Variants in SLC44A5 observed in about 807,000 individuals in gnomAD.
The protein encoded by SLC44A5 is choline transporter-like protein 5.
SLC44A5 carries 57 observed loss-of-function variants against 101.8 expected under a neutral mutation model. The ratio of observed to expected loss-of-function variants is 0.56; its 90% CI spans 0.45 to 0.70. The LOEUF (loss-of-function observed/expected upper bound fraction) is 0.70, where lower values mean the gene tolerates loss of function less well. Ranked by LOEUF, SLC44A5 falls within the 30% of genes least tolerant of loss-of-function variation. The pLI, the probability that SLC44A5 is intolerant of heterozygous loss-of-function variation, is 0.00. For missense variants in SLC44A5, 737 were observed against 853.1 expected (o/e 0.86, Z 1.70); for synonymous variants, 281 against 290.9 (o/e 0.97, Z 0.35).
chr1:75,563,153 G>C (rs1672614501), intron 1 of SLC44A5, among the ~76,000 whole-genome samples: 1 of 152,020 alleles, frequency 6.6e-6, no homozygotes, highest in Non-Finnish European at 1.5e-5. Flanking sequence ...CCCTCCTTTG[G>C]TAGGAAAATA....
chr1:75,358,113 G>A lies in SLC44A5; in HGVS notation c.53-18483C>T, dbSNP rs916852426. On this transcript the variant is annotated intron_variant, in intron 3 of 23. Coordinates refer to ENST00000370859, the MANE Select transcript of SLC44A5 (RefSeq NM_001130058.2). ...GCTACTTTATTTCCTGCCAGAAACC[G>A]TATCTGATTCATTGTTTAAGTACTA... Among the ~76,000 whole-genome samples the A allele has an allele frequency of 6.6e-5, 10 of 151,964 alleles. No homozygotes were observed. The East Asian group carries it at 7.7e-4, about 12-fold the overall frequency.
At chr1:75,598,215 C>T (rs1570709756) in intron 1 of SLC44A5, among the ~76,000 whole-genome samples, 1 of 151,826 alleles carries the variant, frequency 6.6e-6, no homozygotes, top group Non-Finnish European at 1.5e-5. Context: ...TAGAGAAATG[C>T]AAATAAAAAC....
chr1:75,414,784 T>C (rs772973950), intron 2 of SLC44A5, among the ~76,000 whole-genome samples: 1 of 152,104 alleles, frequency 6.6e-6, no homozygotes, highest in Non-Finnish European at 1.5e-5. Context: ...TTAAAGGATC[T>C]AATAAAAGTC....
Position 75,320,228 on chromosome 1 carries a change from T to C in SLC44A5, c.101+19354A>G, listed in dbSNP as rs1227118513. 2.0e-5 allele frequency among the ~76,000 whole-genome samples: 3 copies of C among 151,504 alleles called. No individual in the cohort carries two copies. The East Asian group carries it at 5.8e-4, about 29-fold the overall frequency. On this transcript the variant is annotated intron_variant, in intron 4 of 23. Coordinates refer to ENST00000370859, the MANE Select transcript of SLC44A5 (RefSeq NM_001130058.2). ...AAAGAAAACCAGATCTTTGAAAAAA[T>C]AATAGAGAATGGTATCAAACTATAT...
chr1:75,576,691 T>C (rs1673388936), intron 1 of SLC44A5, among the ~76,000 whole-genome samples: 1 of 152,186 alleles, frequency 6.6e-6, no homozygotes, highest in Non-Finnish European at 1.5e-5. Context: ...TGGTAGAGTT[T>C]TCCATATTAT....
the SLC44A5 span, among the ~76,000 whole-genome samples, chr1:75,648,493 T>C: frequency 1.3e-5 from 2 of 152,222 alleles, no homozygotes; most frequent in East Asian, 3.9e-4. Flanking sequence ...AGTGTTTCTG[T>C]ATAATGTTCC....
chr1:75,499,075 T>C (rs998728993), intron 2 of SLC44A5, among the ~76,000 whole-genome samples: 4 of 152,152 alleles, frequency 2.6e-5, no homozygotes, highest in Admixed American at 2.0e-4. Context: ...TAGCATGCTG[T>C]GTAGGTTGGT....
intron 3 of SLC44A5, among the ~76,000 whole-genome samples, chr1:75,341,253 C>G (rs549492988): frequency 6.6e-6 from 1 of 152,258 alleles, no homozygotes; most frequent in Admixed American, 6.5e-5. Flanking sequence ...ATAATCCTAG[C>G]ACTTTGAAAA....
chr1:75,563,133 A>G (rs1452212884), intron 1 of SLC44A5, among the ~76,000 whole-genome samples: 1 of 152,178 alleles, frequency 6.6e-6, no homozygotes, highest in Non-Finnish European at 1.5e-5. Flanking sequence ...AAGTATGGAT[A>G]TAAAAGAATC....
rs1477851409 is a variant in SLC44A5 at position 75,409,314 on chromosome 1, C to T, written c.14-12693G>A. 2.0e-5 allele frequency among the ~76,000 whole-genome samples: 3 copies of T among 152,110 alleles called. No homozygotes were observed. The East Asian group carries it at 5.8e-4, about 29-fold the overall frequency. On this transcript the variant is annotated intron_variant, in intron 2 of 23. Transcript: ENST00000370859. ...TGGGTATGTGTTTTCTGGGTGAGTACACCTACAGAATGTATTGGGTAATGA... is the reference window on the plus strand; with the variant it reads ...TGGGTATGTGTTTTCTGGGTGAGTATACCTACAGAATGTATTGGGTAATGA...
intron 12 of SLC44A5, among the ~76,000 whole-genome samples, chr1:75,229,579 CA>C: frequency 6.6e-6 from 1 of 152,170 alleles, no homozygotes; most frequent in Admixed American, 6.5e-5. Context: ...ATATTTTCCC[CA>C]AAAGAGCCCT....
At chr1:75,631,830 C>T in the SLC44A5 span, among the ~76,000 whole-genome samples, 10,311 of 152,004 alleles carry the variant, frequency 0.068, 1,162 homozygotes, top group African/African-American at 0.24. Flanking sequence ...AGCCACTGCG[C>T]CCAGCCAATT....
chr1:75,259,141 C>T (rs1270534763), intron 6 of SLC44A5, among the ~76,000 whole-genome samples: 1 of 152,104 alleles, frequency 6.6e-6, no homozygotes, highest in African/African-American at 2.4e-5. Flanking sequence ...ATCACAACTC[C>T]TCGCCAGCAA....
At chr1:75,278,852 T>C (rs1652149275) in intron 5 of SLC44A5, among the ~76,000 whole-genome samples, 1 of 152,162 alleles carries the variant, frequency 6.6e-6, no homozygotes, top group African/African-American at 2.4e-5. Flanking sequence ...TAGAATCTTC[T>C]CTCAAATTCC....
intron 2 of SLC44A5, among the ~76,000 whole-genome samples, chr1:75,478,374 A>G (rs948779293): frequency 6.6e-6 from 1 of 152,202 alleles, no homozygotes; most frequent in Non-Finnish European, 1.5e-5. Context: ...CTAACATCAT[A>G]ATGACAGGAT....
At chr1:75,296,706 C>T (rs1188542259) in intron 5 of SLC44A5, among the ~76,000 whole-genome samples, 1 of 152,162 alleles carries the variant, frequency 6.6e-6, no homozygotes, top group Non-Finnish European at 1.5e-5. Context: ...CCGACAGCCT[C>T]CTCAAAACTC....
chr1:75,478,931 A>G (rs1290028720), intron 2 of SLC44A5, among the ~76,000 whole-genome samples: 1 of 152,346 alleles, frequency 6.6e-6, no homozygotes, highest in East Asian at 1.9e-4. Context: ...TCTCCACCCC[A>G]AATCAACAGA....
At chr1:75,339,438 A>C (rs1570716680) in intron 4 of SLC44A5, 144 bp downstream of exon 4, 1 of 627,986 alleles carries the variant, frequency 1.6e-6, no homozygotes, top group Admixed American at 2.8e-5. Flanking sequence ...CTGTGTAAAT[A>C]AGGTGACATT....
Position 75,490,179 on chromosome 1 carries a change from G to A in SLC44A5, c.13+51256C>T, listed in dbSNP as rs145256899. 9.2e-3 allele frequency among the ~76,000 whole-genome samples: 1,400 copies of A among 152,122 alleles called. 22 individuals carry two copies. Among genetic ancestry groups the A allele is most frequent in the African/African-American group, 0.032 (1,334 of 41,516 alleles). On this transcript the variant is annotated intron_variant, in intron 2 of 23. Coordinates refer to ENST00000370859, the MANE Select transcript of SLC44A5 (RefSeq NM_001130058.2). ...ACATAAAACCTATAATAGCTCTGATGTTCTCATATCTCAGCCTAAGGAGGA... is the reference window on the plus strand; with the variant it reads ...ACATAAAACCTATAATAGCTCTGATATTCTCATATCTCAGCCTAAGGAGGA...
Sources: allele counts gnomAD v4.1 joint callset (sites outside exome capture counted in the v4.1 genomes callset), GRCh38; gene constraint gnomAD v4.1.1; transcripts MANE v1.5; gene names NCBI Gene and HGNC (gene_info 2026-07-23, HGNC 2026-07-21).